The following NRXN1 variants were observed in gnomAD, a reference collection of about 807,000 sequenced individuals.
NRXN1 encodes neurexin-1.
In NRXN1, 39 loss-of-function variants were observed where a neutral mutation model predicts 150.9. The observed-to-expected ratio is 0.26, with a 90% CI of 0.20 to 0.34. The LOEUF (loss-of-function observed/expected upper bound fraction) is 0.34. Ranked by LOEUF, NRXN1 falls within the 10% of genes least tolerant of loss-of-function variation. The pLI is 1.00. For synonymous variants in NRXN1, 924 were observed against 757.0 expected (o/e 1.22, Z -3.62); for missense variants, 1,815 against 1,949.9 (o/e 0.93, Z 1.30).
intron 5 of NRXN1, among the ~76,000 whole-genome samples, chr2:50,737,654 A>G (rs1336920927): frequency 6.6e-6 from 1 of 152,150 alleles, no homozygotes; most frequent in African/African-American, 2.4e-5. Context: ...CATTCATTTA[A>G]TAATTTTGGA....
At chr2:50,834,415 G>A (rs1348294775) in intron 5 of NRXN1, among the ~76,000 whole-genome samples, 1 of 151,980 alleles carries the variant, frequency 6.6e-6, no homozygotes, top group Non-Finnish European at 1.5e-5. Context: ...GTTTTTGAGG[G>A]GTTGAAAACA....
At chr2:50,204,426 C>T (rs1178728501) in intron 18 of NRXN1, among the ~76,000 whole-genome samples, 1 of 151,190 alleles carries the variant, frequency 6.6e-6, no homozygotes, top group African/African-American at 2.4e-5. Context: ...AAAATGCTAC[C>T]TTCCAATTCA....
chr2:50,001,029 A>C (rs112999517), intron 21 of NRXN1, among the ~76,000 whole-genome samples: 1 of 152,166 alleles, frequency 6.6e-6, no homozygotes, highest in Non-Finnish European at 1.5e-5. Flanking sequence ...ACAAGTCAGC[A>C]TATTTTGCTC....
chr2:50,423,873 C>T (rs1045622498), intron 17 of NRXN1, among the ~76,000 whole-genome samples: 1 of 152,074 alleles, frequency 6.6e-6, no homozygotes. Flanking sequence ...GCCAGCCAGA[C>T]CAGCAGCTGG....
intron 21 of NRXN1, among the ~76,000 whole-genome samples, chr2:50,042,157 A>T (rs1395164089): frequency 6.6e-6 from 1 of 152,214 alleles, no homozygotes; most frequent in Non-Finnish European, 1.5e-5. Flanking sequence ...ACATCTTGTT[A>T]TATATACCAT....
chr2:50,834,778 G>A (rs1343718803), intron 5 of NRXN1, among the ~76,000 whole-genome samples: 1 of 152,010 alleles, frequency 6.6e-6, no homozygotes, highest in Non-Finnish European at 1.5e-5. Context: ...CCCAACCCAG[G>A]TCTGAGTTGG....
At chr2:50,369,686 G>T (rs1028889026) in intron 17 of NRXN1, among the ~76,000 whole-genome samples, 1 of 151,900 alleles carries the variant, frequency 6.6e-6, no homozygotes, top group African/African-American at 2.4e-5. Flanking sequence ...GAAGCTAACG[G>T]GCATCTTTAT....
intron 18 of NRXN1, among the ~76,000 whole-genome samples, chr2:50,161,472 C>A (rs912533744): frequency 3.1e-4 from 47 of 152,102 alleles, no homozygotes; most frequent in Admixed American, 9.2e-4. Flanking sequence ...GGCTGACTGT[C>A]ACTGAGTATA....
At chr2:50,695,882 A>C (rs1193195923) in intron 5 of NRXN1, among the ~76,000 whole-genome samples, 2 of 127,752 alleles carry the variant, frequency 1.6e-5, no homozygotes, top group African/African-American at 6.2e-5. Context: ...TCGCTCTTTC[A>C]CTCAGGCTGG....
chr2:50,658,679 G>A (rs2104620639), intron 5 of NRXN1, among the ~76,000 whole-genome samples: 1 of 151,308 alleles, frequency 6.6e-6, no homozygotes, highest in East Asian at 2.0e-4. Flanking sequence ...AGACTTTCCC[G>A]CTGCCTCCTC....
chr2:50,008,741 A>C (rs1685165793), intron 21 of NRXN1, among the ~76,000 whole-genome samples: 1 of 152,110 alleles, frequency 6.6e-6, no homozygotes, highest in Non-Finnish European at 1.5e-5. Flanking sequence ...TAGGAAGGAG[A>C]AGAAAATGAA....
chr2:50,648,108 T>G (rs1005685848), intron 5 of NRXN1, among the ~76,000 whole-genome samples: 10 of 152,016 alleles, frequency 6.6e-5, no homozygotes, highest in African/African-American at 2.4e-4. Context: ...ATGCATGAAT[T>G]ATTCCACATA....
intron 17 of NRXN1, among the ~76,000 whole-genome samples, chr2:50,454,195 G>A (rs1271452746): frequency 2.0e-5 from 3 of 152,030 alleles, no homozygotes; most frequent in Admixed American, 1.3e-4. Context: ...GCGTAGTGGC[G>A]CATGCCTGTA....
intron 5 of NRXN1, among the ~76,000 whole-genome samples, chr2:50,660,660 G>A (rs939209269): frequency 4.6e-5 from 7 of 152,018 alleles, no homozygotes; most frequent in African/African-American, 1.4e-4. Context: ...ACCGACTGCT[G>A]GTTTACAGCA....
At chr2:50,353,569 C>T (rs755050663) in intron 17 of NRXN1, among the ~76,000 whole-genome samples, 16 of 152,106 alleles carry the variant, frequency 1.1e-4, no homozygotes, top group Admixed American at 3.9e-4. Flanking sequence ...ATGATTATAA[C>T]GCTAAATGTA....
chr2:50,654,540 T>C (rs1370425928), intron 5 of NRXN1, among the ~76,000 whole-genome samples: 2 of 152,028 alleles, frequency 1.3e-5, no homozygotes, highest in Non-Finnish European at 2.9e-5. Flanking sequence ...TTTGGGTACA[T>C]ACCCAGTAAT....
intron 16 of NRXN1, among the ~76,000 whole-genome samples, chr2:50,471,190 G>A (rs540826841): frequency 2.0e-5 from 3 of 151,528 alleles, no homozygotes; most frequent in Non-Finnish European, 4.4e-5. Context: ...ACATTTCAGT[G>A]AACCTGTCAC....
intron 5 of NRXN1, among the ~76,000 whole-genome samples, chr2:50,686,667 G>A (rs1691275447): frequency 6.6e-6 from 1 of 152,168 alleles, no homozygotes; most frequent in African/African-American, 2.4e-5. Context: ...TTCTTAGAAA[G>A]AACCTTGATT....
At chr2:50,840,955 A>G (rs1672780121) in intron 5 of NRXN1, 1 of 152,514 alleles carries the variant, frequency 6.6e-6, no homozygotes, top group African/African-American at 2.4e-5. Flanking sequence ...TTCAGAAAGA[A>G]GTGCTAATTA....
Sources: allele counts gnomAD v4.1 joint callset (sites outside exome capture counted in the v4.1 genomes callset), GRCh38; gene constraint gnomAD v4.1.1; transcripts MANE v1.5; gene names NCBI Gene and HGNC (gene_info 2026-07-23, HGNC 2026-07-21).